The following COTL1 variants were observed in gnomAD, a reference collection of about 807,000 sequenced individuals.
The protein encoded by COTL1 is coactosin-like protein.
A neutral mutation model predicts 16.5 loss-of-function variants in COTL1; 15 were observed. The ratio of observed to expected loss-of-function variants is 0.91; its 90% CI spans 0.61 to 1.40. The LOEUF (loss-of-function observed/expected upper bound fraction) is 1.40, where lower values mean the gene tolerates loss of function less well. Ranked by LOEUF, COTL1 falls within the 40% of genes most tolerant of loss-of-function variation. The pLI, the probability that COTL1 is intolerant of heterozygous loss-of-function variation, is 0.00. For synonymous variants in COTL1, 112 were observed against 85.3 expected (o/e 1.31, Z -1.73); for missense variants, 220 against 201.5 (o/e 1.09, Z -0.56).
chr16:84,567,472 T>C (rs1389335236), intron 3 of COTL1: 1 of 152,906 alleles, frequency 6.5e-6, no homozygotes, highest in Non-Finnish European at 1.5e-5. Flanking sequence ...CAAAGTGATG[T>C]CACCATACGT....
intron 2 of COTL1, among the ~76,000 whole-genome samples, chr16:84,606,190 A>C (rs1410653104): frequency 6.6e-6 from 1 of 152,258 alleles, no homozygotes; most frequent in Non-Finnish European, 1.5e-5. Flanking sequence ...GAAAAGTCAC[A>C]GGCACTTGCT....
chr16:84,609,728 T>C (rs1905282250), intron 2 of COTL1, among the ~76,000 whole-genome samples: 1 of 152,180 alleles, frequency 6.6e-6, no homozygotes. Context: ...CATACTGTTT[T>C]GGTGATAGTT....
At chr16:84,616,456 T>C (rs1334883597) in intron 2 of COTL1, 4 of 151,854 alleles carry the variant, frequency 2.6e-5, no homozygotes, top group East Asian at 1.9e-4. Flanking sequence ...TTAGCTGAGA[T>C]TGTACCACTG....
chr16:84,600,312 C>CT (rs11305996), intron 2 of COTL1, among the ~76,000 whole-genome samples: 16,694 of 125,800 alleles, frequency 0.13, 1,362 homozygotes, highest in East Asian at 0.23. Context: ...AATAAAGGCT[C>CT]TTTTTTTTTT....
chr16:84,586,298 T>TA (rs1034756966), intron 3 of COTL1, among the ~76,000 whole-genome samples: 1 of 152,198 alleles, frequency 6.6e-6, no homozygotes, highest in African/African-American at 2.4e-5. Flanking sequence ...TGCTTCAACT[T>TA]ACTTGAGCTT....
chr16:84,612,839 A>G (rs1175738697), intron 2 of COTL1, among the ~76,000 whole-genome samples: 1 of 151,914 alleles, frequency 6.6e-6, no homozygotes, highest in Non-Finnish European at 1.5e-5. Context: ...ACTTCAGTGA[A>G]CCCTCCCAGT....
intron 2 of COTL1, among the ~76,000 whole-genome samples, chr16:84,593,130 T>C (rs1904910796): frequency 6.6e-6 from 1 of 152,244 alleles, no homozygotes; most frequent in Non-Finnish European, 1.5e-5. Flanking sequence ...CCACGTGATG[T>C]GGCCAGACTC....
At chr16:84,584,388 A>C (rs991403215) in intron 3 of COTL1, among the ~76,000 whole-genome samples, 1 of 152,196 alleles carries the variant, frequency 6.6e-6, no homozygotes, top group African/African-American at 2.4e-5. Flanking sequence ...CTTCACTCCT[A>C]ATTCTTCCAG....
Position 84,590,189 on chromosome 16 carries a change from G to A in COTL1, c.234C>T (p.Leu78=), listed in dbSNP as rs760458775. The part of the protein sequence containing the change: ...DAMSKRSKFA[L]ITWIGENVSG... ...TGACGTTCTCACCGATCCACGTGAT[G>A]AGGGCAAACTTGGACCTCTTGCTCA... The change falls in exon 3 of 4, where the codon CTC becomes CTT. Residue 78 remains leucine (L), a synonymous_variant. Coordinates refer to ENST00000262428, the MANE Select transcript of COTL1 (RefSeq NM_021149.5). This position sits in a 1 kb window ranked among gnomAD's most constrained non-coding sequence, Gnocchi z 5.5. 2.4e-5 allele frequency: 38 copies of A among 1,614,116 alleles called. No individual in the cohort carries two copies. The highest frequency in any genetic ancestry group is 3.1e-5 in the Non-Finnish European group (37 of 1,180,050).
At chr16:84,578,202 A>C (rs955685895) in intron 3 of COTL1, among the ~76,000 whole-genome samples, 2 of 152,156 alleles carry the variant, frequency 1.3e-5, no homozygotes, top group African/African-American at 4.8e-5. Flanking sequence ...CAGATCTTCA[A>C]CTTCTGCCCC....
At chr16:84,570,068 G>C (rs184304505) in intron 3 of COTL1, among the ~76,000 whole-genome samples, 29 of 152,322 alleles carry the variant, frequency 1.9e-4, no homozygotes, top group Non-Finnish European at 4.4e-5. Flanking sequence ...ATGAGGTCAG[G>C]AGATCGAGAC....
intron 2 of COTL1, among the ~76,000 whole-genome samples, chr16:84,614,459 G>T (rs1300061228): frequency 6.6e-6 from 1 of 151,984 alleles, no homozygotes; most frequent in Non-Finnish European, 1.5e-5. Context: ...AGGAGGGGAG[G>T]CTGGGTGGAG....
intron 2 of COTL1, among the ~76,000 whole-genome samples, chr16:84,604,288 T>A: frequency 3.9e-5 from 1 of 25,888 alleles, no homozygotes; most frequent in African/African-American, 1.7e-4. Flanking sequence ...CCTCACCCCC[T>A]GCTCTCCACC....
chr16:84,568,419 G>A (rs1479210534), intron 3 of COTL1: 1 of 152,216 alleles, frequency 6.6e-6, no homozygotes, highest in Admixed American at 6.5e-5. Context: ...ACAGAGGAGT[G>A]GATTATCAAA....
chr16:84,581,008 G>C (rs1004732688), intron 3 of COTL1, among the ~76,000 whole-genome samples: 3 of 152,162 alleles, frequency 2.0e-5, no homozygotes, highest in African/African-American at 7.2e-5. Flanking sequence ...TGGGCATGGT[G>C]GCAGGTGCCT....
chr16:84,617,388 AG>A, intron 2 of COTL1, 112 bp downstream of exon 2: 1 of 933,752 alleles, frequency 1.1e-6, no homozygotes, highest in Non-Finnish European at 1.7e-6. Context: ...GCCATGCGCC[AG>A]GGGCACCCCA....
At chr16:84,602,836 CAG>C (rs1700890085) in intron 2 of COTL1, among the ~76,000 whole-genome samples, 1 of 149,700 alleles carries the variant, frequency 6.7e-6, no homozygotes, top group South Asian at 2.1e-4. Flanking sequence ...GCCTGGGCGA[CAG>C]AGACTTCATC....
intron 3 of COTL1, among the ~76,000 whole-genome samples, chr16:84,587,090 C>T (rs1904751523): frequency 6.6e-6 from 1 of 152,106 alleles, no homozygotes; most frequent in Non-Finnish European, 1.5e-5. Flanking sequence ...TTTCATTTTC[C>T]ATCCTGCTGC....
intron 2 of COTL1, among the ~76,000 whole-genome samples, chr16:84,613,146 C>A (rs1175444408): frequency 6.6e-6 from 1 of 151,964 alleles, no homozygotes; most frequent in African/African-American, 2.4e-5. Context: ...ATTATAGGCG[C>A]CGGCCACCAT....
Sources: allele counts gnomAD v4.1 joint callset (sites outside exome capture counted in the v4.1 genomes callset), GRCh38; gene constraint gnomAD v4.1.1; non-coding constraint Gnocchi (gnomAD v3.1); transcripts MANE v1.5; gene names NCBI Gene and HGNC (gene_info 2026-07-23, HGNC 2026-07-21).